BRINP3: variants seen among roughly 807,000 people sequenced by gnomAD.
The protein encoded by BRINP3 is BMP/retinoic acid-inducible neural-specific protein 3.
A neutral mutation model predicts 71.0 loss-of-function variants in BRINP3; 19 were observed. The ratio of observed to expected loss-of-function variants is 0.27; its 90% CI spans 0.19 to 0.39. The LOEUF is 0.39. BRINP3 is among the 10% of genes least tolerant of loss of function. BRINP3 has a pLI of 1.00. For synonymous variants in BRINP3, 380 were observed against 337.7 expected (o/e 1.13, Z -1.37); for missense variants, 959 against 940.8 (o/e 1.02, Z -0.25).
intron 2 of BRINP3, among the ~76,000 whole-genome samples, chr1:190,414,393 T>C (rs2102424957): frequency 6.6e-6 from 1 of 152,202 alleles, no homozygotes; most frequent in East Asian, 1.9e-4. Context: ...ATGTAAGAGA[T>C]CCAAGCTTAG....
chr1:190,332,754 G>A (rs1255593619), intron 2 of BRINP3, among the ~76,000 whole-genome samples: 1 of 151,924 alleles, frequency 6.6e-6, no homozygotes, highest in Non-Finnish European at 1.5e-5. Context: ...TTTCTCCAAG[G>A]GCAGTTGTTA....
intron 7 of BRINP3, among the ~76,000 whole-genome samples, chr1:190,138,935 T>C (rs2102380487): frequency 6.6e-6 from 1 of 152,168 alleles, no homozygotes; most frequent in South Asian, 2.1e-4. Context: ...AAACTGGAGT[T>C]CCACAATAGT....
At chr1:190,306,829 C>A (rs935642628) in intron 2 of BRINP3, among the ~76,000 whole-genome samples, 2 of 151,814 alleles carry the variant, frequency 1.3e-5, no homozygotes, top group African/African-American at 4.8e-5. Flanking sequence ...TGGAGTAATT[C>A]TTATGCATAA....
intron 6 of BRINP3, among the ~76,000 whole-genome samples, chr1:190,220,827 T>C (rs555183041): frequency 1.3e-5 from 2 of 152,008 alleles, no homozygotes; most frequent in African/African-American, 4.8e-5. Flanking sequence ...CAAAAAAAAG[T>C]TTTCAAGGCA....
chr1:190,306,711 A>T (rs1014955828), intron 2 of BRINP3, among the ~76,000 whole-genome samples: 1 of 151,810 alleles, frequency 6.6e-6, no homozygotes, highest in Non-Finnish European at 1.5e-5. Flanking sequence ...TTTAGCACAG[A>T]TAATCAAGAT....
At chr1:190,426,080 TATA>T (rs1435751261) in intron 2 of BRINP3, among the ~76,000 whole-genome samples, 1 of 151,854 alleles carries the variant, frequency 6.6e-6, no homozygotes, top group Non-Finnish European at 1.5e-5. Flanking sequence ...TCTTCAATAT[TATA>T]ATAAAATCTG....
intron 2 of BRINP3, among the ~76,000 whole-genome samples, chr1:190,312,015 T>C (rs886372179): frequency 8.1e-6 from 1 of 123,130 alleles, no homozygotes; most frequent in Non-Finnish European, 1.7e-5. Flanking sequence ...ATATAAAAAA[T>C]ACATGATATT....
In BRINP3 at chr1:190,358,000, A is replaced by AG. The variant is rs1472826546; in HGVS notation, c.237-76251_237-76250insC. 1.7e-3 allele frequency among the ~76,000 whole-genome samples: 257 copies of AG among 151,912 alleles called. 2 individuals are homozygous for AG. Among genetic ancestry groups the AG allele is most frequent in the African/African-American group, 5.9e-3 (242 of 41,202 alleles). ...GGATCCCTTCCTTACACCTTATACA[A>AG]AAATTAATTCAGGATGGATTAAAGA... On this transcript the variant is annotated intron_variant, in intron 2 of 7. Transcript: ENST00000367462.
intron 7 of BRINP3, among the ~76,000 whole-genome samples, chr1:190,118,336 A>C (rs1357093944): frequency 6.6e-6 from 1 of 152,106 alleles, no homozygotes; most frequent in African/African-American, 2.4e-5. Context: ...TTACTCTTAA[A>C]ATCTTTACTG....
intron 7 of BRINP3, among the ~76,000 whole-genome samples, chr1:190,126,038 C>A (rs1571772071): frequency 6.6e-6 from 1 of 151,896 alleles, no homozygotes; most frequent in African/African-American, 2.4e-5. Context: ...TGAAAGCTAC[C>A]ATTTGAGTCT....
chr1:190,344,131 A>C (rs1039836604), intron 2 of BRINP3, among the ~76,000 whole-genome samples: 1 of 151,846 alleles, frequency 6.6e-6, no homozygotes, highest in African/African-American at 2.4e-5. Flanking sequence ...TCAGTAGAAA[A>C]AAATCTTCTT....
At chr1:190,169,607 T>C (rs1313778793) in intron 6 of BRINP3, among the ~76,000 whole-genome samples, 1 of 152,146 alleles carries the variant, frequency 6.6e-6, no homozygotes, top group Non-Finnish European at 1.5e-5. Context: ...TAATTTGTAG[T>C]TCAACAAGAT....
At chr1:190,309,590 C>T (rs770772397) in intron 2 of BRINP3, among the ~76,000 whole-genome samples, 26 of 151,608 alleles carry the variant, frequency 1.7e-4, no homozygotes, top group Middle Eastern at 3.2e-3. Context: ...ACCTCATGAT[C>T]GAAGATTTTT....
intron 7 of BRINP3, among the ~76,000 whole-genome samples, chr1:190,118,525 C>T (rs950189803): frequency 2.6e-5 from 4 of 152,104 alleles, no homozygotes; most frequent in East Asian, 1.9e-4. Context: ...TATTAACTCA[C>T]GTGGAACTCA....
At chr1:190,121,627 T>C (rs1288992779) in intron 7 of BRINP3, among the ~76,000 whole-genome samples, 3 of 152,188 alleles carry the variant, frequency 2.0e-5, no homozygotes, top group Admixed American at 6.6e-5. Flanking sequence ...AGTTTCCATA[T>C]GGAAACCTTG....
intron 1 of BRINP3, among the ~76,000 whole-genome samples, chr1:190,455,602 C>A (rs1422294501): frequency 6.6e-6 from 1 of 151,452 alleles, no homozygotes; most frequent in Non-Finnish European, 1.5e-5. Flanking sequence ...AATGTCTTTT[C>A]CCAGATTTTT....
chr1:190,463,079 A>C (rs1676502014), intron 1 of BRINP3, among the ~76,000 whole-genome samples: 1 of 151,904 alleles, frequency 6.6e-6, no homozygotes, highest in Admixed American at 6.6e-5. Context: ...TGGGTTGAAA[A>C]GTATAATCAT....
intron 2 of BRINP3, among the ~76,000 whole-genome samples, chr1:190,314,973 A>C (rs993956863): frequency 6.6e-6 from 1 of 152,104 alleles, no homozygotes; most frequent in Non-Finnish European, 1.5e-5. Context: ...CAGGGGGCTA[A>C]AATAGAAGTT....
intron 3 of BRINP3, among the ~76,000 whole-genome samples, chr1:190,280,715 A>T (rs1662969542): frequency 6.6e-6 from 1 of 151,878 alleles, no homozygotes; most frequent in African/African-American, 2.4e-5. Flanking sequence ...GAAAGCAGGG[A>T]TTCACTCTTT....
Sources: allele counts gnomAD v4.1 joint callset (sites outside exome capture counted in the v4.1 genomes callset), GRCh38; gene constraint gnomAD v4.1.1; transcripts MANE v1.5; gene names NCBI Gene and HGNC (gene_info 2026-07-23, HGNC 2026-07-21).